MRE11: variants seen among roughly 807,000 people sequenced by gnomAD.
The protein encoded by MRE11 is MRE11 double strand break repair nuclease.
MRE11 carries 62 observed loss-of-function variants against 91.7 expected under a neutral mutation model. The observed-to-expected ratio is 0.68, with a 90% CI of 0.55 to 0.84. The LOEUF (loss-of-function observed/expected upper bound fraction) is 0.84. Among genes scored for constraint, MRE11 ranks in the 40% least tolerant of loss-of-function variants. The pLI, the probability that MRE11 is intolerant of heterozygous loss-of-function variation, is 0.00. For synonymous variants in MRE11, 273 were observed against 271.4 expected (o/e 1.01, Z -0.06); for missense variants, 796 against 852.9 (o/e 0.93, Z 0.83).
chr11:94,452,868 T>C (rs1191515841), intron 14 of MRE11, among the ~76,000 whole-genome samples: 2 of 152,298 alleles, frequency 1.3e-5, no homozygotes, highest in African/African-American at 2.4e-5. Flanking sequence ...TTACCACTTT[T>C]AGGTATAGTA....
intron 2 of MRE11, among the ~76,000 whole-genome samples, chr11:94,492,411 C>T (rs990514943): frequency 9.9e-5 from 15 of 152,058 alleles, no homozygotes; most frequent in Non-Finnish European, 2.1e-4. Context: ...TCATTTCCAG[C>T]TTATTTAATA....
At chr11:94,424,493 T>C (rs1297069485) in intron 19 of MRE11, among the ~76,000 whole-genome samples, 1 of 152,128 alleles carries the variant, frequency 6.6e-6, no homozygotes, top group African/African-American at 2.4e-5. Flanking sequence ...TCACCAACAA[T>C]AGTTCTTAAC....
intron 19 of MRE11, among the ~76,000 whole-genome samples, chr11:94,420,564 A>C (rs1945143937): frequency 6.6e-6 from 1 of 152,226 alleles, no homozygotes; most frequent in African/African-American, 2.4e-5. Flanking sequence ...CACAGCGAAA[A>C]AATAATGAAG....
At chr11:94,426,230 G>C (rs1259006697) in intron 19 of MRE11, among the ~76,000 whole-genome samples, 1 of 151,746 alleles carries the variant, frequency 6.6e-6, no homozygotes, top group Admixed American at 6.6e-5. Flanking sequence ...GATAACTCCT[G>C]GGTCAATAAT....
At position 94,474,242 on chromosome 11, in the gene MRE11, T is replaced by C. The variant is rs148745030; in HGVS notation, c.659+2047A>G. 1.4e-3 allele frequency among the ~76,000 whole-genome samples: 210 copies of C among 152,214 alleles called. 1 individual carries two copies. Among genetic ancestry groups the C allele is most frequent in the African/African-American group, 4.8e-3 (200 of 41,540 alleles). ...TTGGTGCAAAAGTAATTGTGATTTT[T>C]GCCATTACAAGAGCCAAGAGCCTAG... On this transcript the variant is annotated intron_variant, in intron 7 of 19. Coordinates refer to ENST00000323929, the MANE Select transcript of MRE11 (RefSeq NM_005591.4).
intron 7 of MRE11, among the ~76,000 whole-genome samples, chr11:94,476,084 C>T (rs1461268742): frequency 1.3e-5 from 2 of 152,058 alleles, no homozygotes; most frequent in African/African-American, 2.4e-5. Context: ...TATGCCTTAT[C>T]CTTATGTTAC....
chr11:94,461,074 C>T, intron 11 of MRE11, 38 bp from the exon 12 acceptor site: 1 of 1,543,300 alleles, frequency 6.5e-7, no homozygotes, highest in Non-Finnish European at 8.9e-7. Context: ...TAGCTTCTAT[C>T]ATAATGTTAA....
chr11:94,470,369 A>C, intron 9 of MRE11, 102 bp downstream of exon 9: 1 of 1,154,840 alleles, frequency 8.7e-7, no homozygotes, highest in Admixed American at 1.9e-5. Context: ...ATGAGAATGT[A>C]ATCAACATAA....
chr11:94,475,673 T>C, intron 7 of MRE11: 1 of 455,254 alleles, frequency 2.2e-6, no homozygotes, highest in South Asian at 1.6e-5. Flanking sequence ...GTAATCTAGC[T>C]ATATTTGTAT....
At position 94,467,863 on chromosome 11, in the gene MRE11, C is replaced by A. The variant is rs781140391; in HGVS notation, c.1048G>T (p.Glu350Ter). 6.2e-7 allele frequency: 1 copy of A among 1,613,644 alleles called. No homozygotes were observed. The change falls in exon 10 of 20, where the codon GAA (glutamate) becomes TAA (stop). Residue 350 changes from glutamate to a stop codon, truncating the protein, a stop_gained. Coordinates refer to ENST00000323929, the MANE Select transcript of MRE11 (RefSeq NM_005591.4). LOFTEE classifies it high-confidence loss of function. Reference sequence around the variant, plus strand: ...GGCTGGTGAGAATTACCCAGACGTTCCCGTTCAGCATTTTCAAGCATTTCT... The same window carrying A: ...GGCTGGTGAGAATTACCCAGACGTTACCGTTCAGCATTTTCAAGCATTTCT... ...IEEMLENAERERLGNSHQPEK... is the reference protein window; with the variant it reads ...IEEMLENAER
intron 9 of MRE11, among the ~76,000 whole-genome samples, chr11:94,469,292 A>T (rs1264912731): frequency 6.6e-6 from 1 of 152,156 alleles, no homozygotes; most frequent in East Asian, 1.9e-4. Flanking sequence ...CATCACGACC[A>T]GTTAGAAGGG....
intron 10 of MRE11, among the ~76,000 whole-genome samples, chr11:94,466,175 T>C (rs1946557103): frequency 6.6e-6 from 1 of 152,146 alleles, no homozygotes; most frequent in Non-Finnish European, 1.5e-5. Context: ...CGGCAGCTTT[T>C]TTGGTTTAGA....
At chr11:94,490,273 C>T (rs11020800) in intron 3 of MRE11, among the ~76,000 whole-genome samples, 216 of 152,218 alleles carry the variant, frequency 1.4e-3, no homozygotes, top group African/African-American at 4.9e-3. Flanking sequence ...TACTGTCTCA[C>T]GGGTTTCCTC....
rs374635285 is a variant in MRE11 at position 94,478,745 on chromosome 11, T to C, written c.534A>G (p.Leu178=). ...LLQKGSTKIA[L]YGLGSIPDER... ...ATAAAACTGTCTTACCTAAACCATA[T>C]AGCGCAATCTTTGTGCTTCCTTTTT... Residue 178 remains leucine (L), a synonymous_variant, in exon 6 of 20, where the codon CTA becomes CTG. Coordinates refer to ENST00000323929, the MANE Select transcript of MRE11 (RefSeq NM_005591.4). The C allele has an allele frequency of 8.7e-6, 14 of 1,612,474 alleles. No individual in the cohort carries two copies. The highest frequency in any genetic ancestry group is 1.3e-5 in the African/African-American group (1 of 74,878).
chr11:94,450,399 T>C (rs1946068671), intron 14 of MRE11, among the ~76,000 whole-genome samples: 1 of 152,166 alleles, frequency 6.6e-6, no homozygotes, highest in Non-Finnish European at 1.5e-5. Context: ...ACATAATTAA[T>C]AAGATAGATC....
Position 94,456,292 on chromosome 11 carries a change from T to C in MRE11, c.1547A>G (p.Asp516Gly), listed in dbSNP as rs771215537. ...AATAATTACCTCACGGACTTCATCA[T>C]CTTCTTCATTAGTATTTTTTTGTCT... is the stretch of plus-strand genomic sequence containing the variant. ...ETRQKNTNEEDDEVREAMTRA... is the reference protein window; with the variant it reads ...ETRQKNTNEEGDEVREAMTRA... Residue 516 changes from aspartate to glycine, a missense_variant, in exon 14 of 20, where the codon GAT becomes GGT. By Grantham distance (94) the Asp-to-Gly change is moderately conservative (BLOSUM62 -1). Coordinates refer to ENST00000323929, the MANE Select transcript of MRE11 (RefSeq NM_005591.4). 1 of 1,613,638 alleles carries C rather than the reference T, an allele frequency of 6.2e-7. No homozygotes were observed. The highest frequency in any genetic ancestry group is 1.3e-5 in the African/African-American group (1 of 75,032).
chr11:94,496,194 A>G (rs1206644930), upstream of MRE11, among the ~76,000 whole-genome samples: 1 of 152,176 alleles, frequency 6.6e-6, no homozygotes, highest in Non-Finnish European at 1.5e-5. Flanking sequence ...TCTTCGAAAT[A>G]GTATTTTTAG....
chr11:94,434,620 C>T (rs1171901466), intron 18 of MRE11, among the ~76,000 whole-genome samples: 1 of 152,070 alleles, frequency 6.6e-6, no homozygotes, highest in Non-Finnish European at 1.5e-5. Context: ...CGTTTTCCAC[C>T]CTACTAAGCC....
At chr11:94,462,007 G>A (rs750842579) in intron 11 of MRE11, among the ~76,000 whole-genome samples, 2 of 152,062 alleles carry the variant, frequency 1.3e-5, no homozygotes, top group South Asian at 2.1e-4. Context: ...CCTGGGAGGC[G>A]GAGCTTACAG....
Sources: allele counts gnomAD v4.1 joint callset (sites outside exome capture counted in the v4.1 genomes callset), GRCh38; gene constraint gnomAD v4.1.1; transcripts MANE v1.5; gene names NCBI Gene and HGNC (gene_info 2026-07-23, HGNC 2026-07-21).